Variants in GPHN observed in about 807,000 individuals in gnomAD.
The protein encoded by GPHN is gephyrin.
GPHN carries 17 observed loss-of-function variants against 95.5 expected under a neutral mutation model. That is an observed-to-expected ratio of 0.18 (90% confidence interval 0.12 to 0.27). The LOEUF (loss-of-function observed/expected upper bound fraction) is 0.27. GPHN is among the 10% of genes least tolerant of loss of function. The probability of loss-of-function intolerance (pLI) is 1.00; values close to 1 mark genes in which losing one functional copy is unlikely to be tolerated. For synonymous variants in GPHN, 320 were observed against 322.5 expected (o/e 0.99, Z 0.08); for missense variants, 660 against 978.1 (o/e 0.67, Z 4.34).
the GPHN span, among the ~76,000 whole-genome samples, chr14:67,604,046 G>A: frequency 4.0e-5 from 6 of 151,226 alleles, no homozygotes; most frequent in Non-Finnish European, 5.9e-5. Flanking sequence ...AGGCAAGAGT[G>A]CAGTAGCACA....
chr14:67,643,762 C>A, the GPHN span, among the ~76,000 whole-genome samples: 1 of 147,006 alleles, frequency 6.8e-6, no homozygotes, highest in Non-Finnish European at 1.5e-5. Flanking sequence ...TGATTATTTT[C>A]CCTGAGGTGC....
intron 1 of GPHN, among the ~76,000 whole-genome samples, chr14:66,539,193 T>C (rs1480271204): frequency 6.6e-6 from 1 of 151,754 alleles, no homozygotes; most frequent in African/African-American, 2.4e-5. Flanking sequence ...ATGTGGGAGG[T>C]CTGTCATGTG....
At chr14:67,704,971 G>A in the GPHN span, among the ~76,000 whole-genome samples, 1 of 152,204 alleles carries the variant, frequency 6.6e-6, no homozygotes, top group Non-Finnish European at 1.5e-5. Flanking sequence ...CACAAAGGTT[G>A]GAAGCAGGTC....
chr14:67,572,429 C>T, the GPHN span, among the ~76,000 whole-genome samples: 1 of 151,886 alleles, frequency 6.6e-6, no homozygotes, highest in Non-Finnish European at 1.5e-5. Context: ...GGGGGGTGTA[C>T]AGTTATGGAG....
the GPHN span, among the ~76,000 whole-genome samples, chr14:67,331,273 G>A: frequency 1.3e-5 from 2 of 152,134 alleles, no homozygotes. Flanking sequence ...TCAAGCTCCC[G>A]GCCCCATGTG....
chr14:66,683,378 ATG>A (rs2067106707), intron 2 of GPHN, among the ~76,000 whole-genome samples: 1 of 123,148 alleles, frequency 8.1e-6, no homozygotes, highest in African/African-American at 3.6e-5. Context: ...ATATATATAT[ATG>A]TTCATATATA....
At chr14:67,514,157 C>T in the GPHN span, among the ~76,000 whole-genome samples, 1 of 152,186 alleles carries the variant, frequency 6.6e-6, no homozygotes. Context: ...TCTTTCCCTC[C>T]AGGGAGAGCC....
chr14:66,879,903 A>G, intron 4 of GPHN, 36 bp from the exon 5 acceptor site: 1 of 1,360,950 alleles, frequency 7.3e-7, no homozygotes. Flanking sequence ...TTTTTGGCTT[A>G]TTTCACTCAG....
chr14:67,334,931 AAACT>A, the GPHN span: 1 of 152,254 alleles, frequency 6.6e-6, no homozygotes, highest in African/African-American at 2.4e-5. Flanking sequence ...TCCAAGAGCT[AAACT>A]ATTGGCAGTT....
the GPHN span, chr14:67,374,376 CCAAT>C: frequency 1.6e-6 from 1 of 608,328 alleles, no homozygotes; most frequent in African/African-American, 1.9e-5. Flanking sequence ...TATAAGTATG[CCAAT>C]CAAACACTTA....
At chr14:67,064,645 TC>T (rs2075970506) in intron 11 of GPHN, among the ~76,000 whole-genome samples, 1 of 152,222 alleles carries the variant, frequency 6.6e-6, no homozygotes, top group Admixed American at 6.5e-5. Flanking sequence ...TTCAACTTCT[TC>T]CTGCTTTAGT....
At chr14:66,867,220 T>G (rs1199331707) in intron 4 of GPHN, among the ~76,000 whole-genome samples, 1 of 152,186 alleles carries the variant, frequency 6.6e-6, no homozygotes, top group African/African-American at 2.4e-5. Context: ...GAGATGCCTT[T>G]TACAATTACC....
intron 17 of GPHN, among the ~76,000 whole-genome samples, chr14:67,139,810 A>G (rs1255714109): frequency 1.3e-5 from 2 of 152,148 alleles, no homozygotes; most frequent in African/African-American, 2.4e-5. Context: ...AGAGAGTAGC[A>G]AAGGGGGATA....
At chr14:66,972,391 C>A (rs2069868323) in intron 9 of GPHN, among the ~76,000 whole-genome samples, 1 of 151,216 alleles carries the variant, frequency 6.6e-6, no homozygotes, top group African/African-American at 2.4e-5. Flanking sequence ...AAATGTATAC[C>A]AAACATCTAA....
intron 8 of GPHN, among the ~76,000 whole-genome samples, chr14:66,948,063 T>A (rs937140184): frequency 9.2e-5 from 14 of 152,184 alleles, no homozygotes; most frequent in Non-Finnish European, 1.5e-4. Flanking sequence ...TAGAGAATCA[T>A]TTTTGAATGC....
chr14:67,086,434 G>T (rs926743107), intron 11 of GPHN, among the ~76,000 whole-genome samples: 3 of 151,964 alleles, frequency 2.0e-5, no homozygotes, highest in Non-Finnish European at 4.4e-5. Flanking sequence ...GGCAGATCAC[G>T]AGGTCAGGAG....
At chr14:67,292,422 T>A in the GPHN span, 3 of 868,344 alleles carry the variant, frequency 3.5e-6, no homozygotes, top group Non-Finnish European at 5.4e-6. Context: ...ACTTAAATTG[T>A]TACTGGTTCA....
downstream of GPHN, among the ~76,000 whole-genome samples, chr14:67,184,638 T>A (rs773092109): frequency 3.3e-5 from 5 of 151,730 alleles, no homozygotes; most frequent in Non-Finnish European, 1.5e-5. Context: ...AAAAAATGAG[T>A]TTTATGGAGG....
the GPHN span, chr14:67,722,550 C>A: frequency 9.5e-7 from 1 of 1,054,940 alleles, no homozygotes; most frequent in Non-Finnish European, 1.5e-6. Flanking sequence ...GCAGAAGCAG[C>A]CAAGAGCTGG....
Sources: gnomAD v4.1 joint callset for allele counts (sites outside exome capture counted in the v4.1 genomes callset) on GRCh38, gnomAD v4.1.1 for gene constraint, MANE v1.5 for transcripts, NCBI Gene and HGNC (gene_info 2026-07-23, HGNC 2026-07-21) for gene names.